POLD3: variants seen among roughly 807,000 people sequenced by gnomAD.
The protein encoded by POLD3 is DNA polymerase delta 3, accessory subunit, also known as DNA polymerase delta subunit 3.
Under a neutral mutation model 58.2 loss-of-function variants are expected in POLD3, and 19 were observed. The observed-to-expected ratio is 0.33, with a 90% CI of 0.23 to 0.48. The LOEUF (loss-of-function observed/expected upper bound fraction) is 0.48. POLD3 is among the 20% of genes least tolerant of loss of function. The pLI is 0.99. For missense variants in POLD3, 504 were observed against 545.5 expected, an observed-to-expected ratio of 0.92 and a Z score of 0.76; for synonymous variants, 172 against 193.5, an observed-to-expected ratio of 0.89 and a Z score of 0.92.
At position 74,640,690 on chromosome 11, in the gene POLD3, G is replaced by A; in HGVS notation, c.1325G>A (p.Gly442Asp). ...VKKEPREERK[G>D]PKKGTAALGK... ...AAAGAACCCAGAGAGGAACGAAAGGGCCCCAAGAAAGGGACTGCTGCTCTG... is the reference window on the plus strand; with the variant it reads ...AAAGAACCCAGAGAGGAACGAAAGGACCCCAAGAAAGGGACTGCTGCTCTG... The change falls in exon 12 of 12, where the codon GGC becomes GAC. Residue 442 changes from glycine (G) to aspartate (D), a missense_variant. Physicochemically the swap from Gly to Asp is moderately conservative, Grantham distance 94 (BLOSUM62 -1). Around this residue, in one of 2 missense-constraint regions of POLD3, gnomAD observed 385 missense variants for 370.5 expected, o/e 1.04. Coordinates refer to ENST00000263681, the MANE Select transcript of POLD3 (RefSeq NM_006591.3). The A allele has an allele frequency of 6.2e-7, 1 of 1,612,990 alleles. No homozygotes were observed.
intron 8 of POLD3, among the ~76,000 whole-genome samples, chr11:74,627,007 C>T (rs924962737): frequency 1.3e-5 from 2 of 152,116 alleles, no homozygotes; most frequent in African/African-American, 4.8e-5. Flanking sequence ...GACTATGCTA[C>T]TATAATTACT....
chr11:74,633,202 AT>A, intron 9 of POLD3, among the ~76,000 whole-genome samples: 1 of 152,096 alleles, frequency 6.6e-6, no homozygotes, highest in East Asian at 1.9e-4. Flanking sequence ...CACATCTACC[AT>A]TGTGGCCCAG....
chr11:74,647,216 G>T (rs555894786), downstream of POLD3, among the ~76,000 whole-genome samples: 4 of 152,202 alleles, frequency 2.6e-5, no homozygotes, highest in South Asian at 8.3e-4. Context: ...GAACCAGTCC[G>T]CAGCCCGGGG....
chr11:74,596,174 A>AT (rs964059211), intron 2 of POLD3, among the ~76,000 whole-genome samples: 27 of 118,818 alleles, frequency 2.3e-4, no homozygotes, highest in Admixed American at 3.5e-4. Context: ...GCCTAAGAAG[A>AT]TTTTTTTTTT....
intron 4 of POLD3, among the ~76,000 whole-genome samples, chr11:74,663,699 A>G (rs2033232418): frequency 6.6e-6 from 1 of 152,348 alleles, no homozygotes. Flanking sequence ...TCATCTTTGG[A>G]TAGTCAAACT....
chr11:74,637,425 C>CT (rs1565128315), intron 11 of POLD3, among the ~76,000 whole-genome samples: 2 of 95,898 alleles, frequency 2.1e-5, no homozygotes, highest in African/African-American at 4.2e-5. Flanking sequence ...TTTTTTTTTT[C>CT]TTTTTCTTCC....
chr11:74,613,739 G>A (rs766867825), intron 5 of POLD3, among the ~76,000 whole-genome samples: 4 of 152,206 alleles, frequency 2.6e-5, no homozygotes, highest in Non-Finnish European at 5.9e-5. Flanking sequence ...TAACTCATGA[G>A]TACCTATGAC....
Position 74,641,429 on chromosome 11 carries a change from G to A in POLD3, c.*663G>A. 1.0e-6 allele frequency: 1 copy of A among 985,424 alleles called. No homozygotes were observed. 61.0% of individuals were successfully genotyped at this position (985,424 alleles called of 1,614,324 possible). A position where few individuals can be genotyped will look rare whatever the true frequency, so the allele number is the denominator to read the frequency against. ...TCTCTGGGACCTTCACTTGCAATTA[G>A]TGGTTAGGGAAAAGCCTCAGGCAGA... On this transcript the variant is annotated 3_prime_UTR_variant, in exon 12 of 12. Transcript: ENST00000263681.
chr11:74,610,491 GAGC>G (rs1259915605), intron 3 of POLD3, among the ~76,000 whole-genome samples: 1 of 152,184 alleles, frequency 6.6e-6, no homozygotes, highest in Admixed American at 6.5e-5. Flanking sequence ...TTACAGGCAT[GAGC>G]AGCCACATCT....
rs1349389480 is a variant in POLD3 at position 74,604,340 on chromosome 11, A to G, written c.117-352A>G. Among the ~76,000 whole-genome samples the G allele has an allele frequency of 3.9e-5, 6 of 152,214 alleles. No individual in the cohort carries two copies. The East Asian group carries it at 1.2e-3, about 29-fold the overall frequency. ...GAGGCCTAGACAAATTAATTAACTTATCCAGAGCTTAGACAGTTACCAAAC... is the reference window on the plus strand; with the variant it reads ...GAGGCCTAGACAAATTAATTAACTTGTCCAGAGCTTAGACAGTTACCAAAC... On this transcript the variant is annotated intron_variant, in intron 2 of 11. Coordinates refer to ENST00000263681, the MANE Select transcript of POLD3 (RefSeq NM_006591.3).
chr11:74,649,531 T>G (rs1469342732), intron 4 of POLD3, among the ~76,000 whole-genome samples: 3 of 152,210 alleles, frequency 2.0e-5, no homozygotes, highest in Non-Finnish European at 4.4e-5. Flanking sequence ...ACCAATGATT[T>G]AATTCTTTTC....
chr11:74,663,987 C>T (rs150486688), intron 4 of POLD3, among the ~76,000 whole-genome samples: 6 of 151,956 alleles, frequency 3.9e-5, no homozygotes, highest in African/African-American at 7.2e-5. Context: ...AAATAAGAAC[C>T]GGCACTGAAT....
chr11:74,637,103 G>A (rs767102758), intron 11 of POLD3, among the ~76,000 whole-genome samples: 1 of 152,058 alleles, frequency 6.6e-6, no homozygotes, highest in Non-Finnish European at 1.5e-5. Context: ...TGCCTTTTGT[G>A]GCACCTGCTA....
intron 7 of POLD3, among the ~76,000 whole-genome samples, chr11:74,621,056 T>C (rs1267868424): frequency 1.3e-5 from 2 of 152,138 alleles, no homozygotes; most frequent in African/African-American, 4.8e-5. Context: ...GAAAATGTGA[T>C]ACTTAAAGGT....
chr11:74,637,018 G>T (rs1414681499), intron 11 of POLD3, among the ~76,000 whole-genome samples: 1 of 152,188 alleles, frequency 6.6e-6, no homozygotes, highest in Non-Finnish European at 1.5e-5. Context: ...TCCTGGTACT[G>T]TATTTTTGTG....
intron 4 of POLD3, among the ~76,000 whole-genome samples, chr11:74,653,240 G>A (rs867090908): frequency 2.0e-5 from 3 of 152,074 alleles, no homozygotes; most frequent in African/African-American, 7.2e-5. Context: ...ATATTCAGTG[G>A]TGAGGATCTT....
At position 74,629,280 on chromosome 11, in the gene POLD3, G is replaced by A. The variant is rs773112570; in HGVS notation, c.963G>A (p.Arg321=). 2.5e-6 allele frequency: 4 copies of A among 1,609,500 alleles called. No individual in the cohort carries two copies. Among genetic ancestry groups the A allele is most frequent in the Non-Finnish European group, 3.4e-6 (4 of 1,177,306 alleles). Residue 321 remains arginine, a synonymous_variant, in exon 9 of 12, where the codon AGG becomes AGA. Coordinates refer to ENST00000263681, the MANE Select transcript of POLD3 (RefSeq NM_006591.3). Reference sequence around the variant, plus strand: ...AAACTGAAAACATGAGGAAAAAGAGGAGAAGAATCAAACTTCCTGAATCTG... The same window carrying A: ...AAACTGAAAACATGAGGAAAAAGAGAAGAAGAATCAAACTTCCTGAATCTG... The part of the protein sequence containing the change: ...TKETENMRKK[R]RRIKLPESDS...
At chr11:74,607,025 T>C (rs1002245177) in intron 3 of POLD3, among the ~76,000 whole-genome samples, 3 of 152,116 alleles carry the variant, frequency 2.0e-5, no homozygotes, top group Non-Finnish European at 4.4e-5. Context: ...TGGGAAGCTC[T>C]GTGGAACCCT....
intron 2 of POLD3, among the ~76,000 whole-genome samples, chr11:74,599,956 AT>A (rs11310017): frequency 0.3 from 42,742 of 144,422 alleles, 6,164 homozygotes; most frequent in Middle Eastern, 0.39. Flanking sequence ...TATTATTATT[AT>A]TTTTTTTTTT....
Sources: gnomAD v4.1 joint callset for allele counts (sites outside exome capture counted in the v4.1 genomes callset) on GRCh38, gnomAD v4.1.1 for gene constraint, gnomAD v4.1.1 regional missense constraint, MANE v1.5 for transcripts, NCBI Gene and HGNC (gene_info 2026-07-23, HGNC 2026-07-21) for gene names.